AFAP1L2: variants seen among roughly 807,000 people sequenced by gnomAD.
The protein encoded by AFAP1L2 is actin filament associated protein 1 like 2, also known as actin filament-associated protein 1-like 2.
Under a neutral mutation model 99.3 loss-of-function variants are expected in AFAP1L2, and 46 were observed. The ratio of observed to expected loss-of-function variants is 0.46; its 90% CI spans 0.37 to 0.59. The LOEUF is 0.59. Ranked by LOEUF, AFAP1L2 falls within the 20% of genes least tolerant of loss-of-function variation. The pLI is 0.00. For missense variants in AFAP1L2, 959 were observed against 1,034.9 expected, an observed-to-expected ratio of 0.93 and a Z score of 1.01; for synonymous variants, 397 against 419.1, an observed-to-expected ratio of 0.95 and a Z score of 0.64.
chr10:114,285,887 C>T, the AFAP1L2 span: 25 of 1,508,110 alleles, frequency 1.7e-5, no homozygotes, highest in East Asian at 1.6e-4. Flanking sequence ...TGGGACAGCT[C>T]GCATGCCGCA....
the AFAP1L2 span, among the ~76,000 whole-genome samples, chr10:114,285,484 T>C: frequency 6.6e-6 from 1 of 152,208 alleles, no homozygotes; most frequent in Non-Finnish European, 1.5e-5. Flanking sequence ...TAAAAACAAG[T>C]GATACTGGGT....
chr10:114,352,479 T>TAAAAAAC (rs1554930286), intron 1 of AFAP1L2, among the ~76,000 whole-genome samples: 1,581 of 71,406 alleles, frequency 0.022, 41 homozygotes, highest in Middle Eastern at 0.11. Context: ...GTCTCCAAAT[T>TAAAAAAC]AAAAAAAAAA....
chr10:114,308,456 G>C lies in AFAP1L2; in HGVS notation c.944C>G (p.Pro315Arg), dbSNP rs1157771372. The change falls in exon 9 of 19, where the codon CCT becomes CGT. Residue 315 changes from proline (P) to arginine (R), a missense_variant. Coordinates refer to ENST00000304129, the MANE Select transcript of AFAP1L2 (RefSeq NM_001001936.3). The stretch of plus-strand genomic sequence containing the variant: ...ACCGTCTTTGGTTTCTGGGACCTCA[G>C]GGTGGCCATCCACGGAGCTCCCATA... ...SEYGSSVDGH[P>R]EVPETKDVKK... 1 of 1,614,178 alleles carries C rather than the reference G, an allele frequency of 6.2e-7. No individual in the cohort carries two copies. Among genetic ancestry groups the C allele is most frequent in the South Asian group, 1.1e-5 (1 of 91,086 alleles).
At chr10:114,291,220 T>A, downstream of AFAP1L2, 1 of 1,550,468 alleles carries the variant, frequency 6.4e-7, no homozygotes, top group Non-Finnish European at 8.7e-7. Context: ...TTCCCCAGGA[T>A]TCTTGAGACG....
At chr10:114,310,651 C>A (rs900630212) in intron 7 of AFAP1L2, among the ~76,000 whole-genome samples, 2 of 152,180 alleles carry the variant, frequency 1.3e-5, no homozygotes, top group African/African-American at 4.8e-5. Flanking sequence ...GTGGGGAGGG[C>A]TCGTTGTTTA....
intron 12 of AFAP1L2, 55 bp from the exon 13 acceptor site, chr10:114,301,520 C>T (rs1305956569): frequency 2.3e-6 from 3 of 1,318,508 alleles, no homozygotes; most frequent in East Asian, 2.3e-5. Context: ...GTGGTGAAAG[C>T]ACCAGACTCC....
intron 7 of AFAP1L2, among the ~76,000 whole-genome samples, chr10:114,312,943 T>C (rs2043481470): frequency 6.6e-6 from 1 of 152,168 alleles, no homozygotes; most frequent in African/African-American, 2.4e-5. Context: ...ATACTCAGCC[T>C]AGGGGTGGAC....
intron 1 of AFAP1L2, among the ~76,000 whole-genome samples, chr10:114,382,665 C>T (rs1352468608): frequency 6.9e-6 from 1 of 143,950 alleles, no homozygotes; most frequent in Non-Finnish European, 1.5e-5. Flanking sequence ...ACGATCTCAG[C>T]TCACTGCCCA....
chr10:114,352,253 C>G (rs11196711), intron 1 of AFAP1L2, among the ~76,000 whole-genome samples: 110,275 of 151,934 alleles, frequency 0.73, 42,638 homozygotes, highest in Middle Eastern at 0.86. Context: ...AGGCAGATCA[C>G]CTGAGGTCAG....
chr10:114,351,926 T>C (rs576765214), intron 1 of AFAP1L2, among the ~76,000 whole-genome samples: 2 of 152,304 alleles, frequency 1.3e-5, no homozygotes, highest in African/African-American at 4.8e-5. Context: ...ACTGGCTGTG[T>C]GGCCTTGGGG....
intron 1 of AFAP1L2, among the ~76,000 whole-genome samples, chr10:114,381,935 G>T (rs57921516): frequency 0.031 from 4,777 of 152,140 alleles, 256 homozygotes; most frequent in African/African-American, 0.11. Flanking sequence ...CATAAAAAAA[G>T]AAGTATAAAT....
rs1354030131 is a variant in AFAP1L2, at chr10:114,318,739, T to TAAAA, written c.407-2978_407-2975dup. On this transcript the variant is annotated intron_variant, in intron 5 of 18. Coordinates refer to ENST00000304129, the MANE Select transcript of AFAP1L2 (RefSeq NM_001001936.3). Reference sequence around the variant, plus strand: ...CCTGGCGGCAGGGTGAGACTCTGTCTAAAAAAAAGAAAAAAAAAAGAACAA... The same window carrying TAAAA: ...CCTGGCGGCAGGGTGAGACTCTGTCTAAAAAAAAAAAAGAAAAAAAAAAGAACAA... 4.4e-5 allele frequency among the ~76,000 whole-genome samples: 4 copies of TAAAA among 91,072 alleles called. No homozygotes were observed. In the East Asian group the frequency reaches 1.8e-3, roughly 42 times the overall value. 59.7% of individuals were successfully genotyped at this position (91,072 alleles called of 152,430 possible). A position where few individuals can be genotyped will look rare whatever the true frequency, so the allele number is the denominator to read the frequency against.
At chr10:114,335,505 C>G (rs2047825232) in intron 2 of AFAP1L2, among the ~76,000 whole-genome samples, 1 of 147,954 alleles carries the variant, frequency 6.8e-6, no homozygotes, top group African/African-American at 2.5e-5. Context: ...CCCAGCTACT[C>G]AGGAGGCTGA....
chr10:114,336,990 G>A (rs1425501122), intron 2 of AFAP1L2, among the ~76,000 whole-genome samples: 1 of 152,218 alleles, frequency 6.6e-6, no homozygotes, highest in African/African-American at 2.4e-5. Flanking sequence ...CAGCCTGTTG[G>A]ACCACGGCTA....
rs766929781 is a variant in AFAP1L2, at chr10:114,352,479, T to TAAAAAAAAAAAAAAAA, written c.17-11764_17-11749dup. Among the ~76,000 whole-genome samples, 11 of 71,386 alleles carry TAAAAAAAAAAAAAAAA rather than the reference T, an allele frequency of 1.5e-4. 1 individual carries two copies. Among genetic ancestry groups the TAAAAAAAAAAAAAAAA allele is most frequent in the African/African-American group, 4.9e-4 (9 of 18,224 alleles). 46.8% of individuals were successfully genotyped at this position (71,386 alleles called of 152,430 possible). A position where few individuals can be genotyped will look rare whatever the true frequency, so the allele number is the denominator to read the frequency against. On this transcript the variant is annotated intron_variant, in intron 1 of 18. Coordinates refer to ENST00000304129, the MANE Select transcript of AFAP1L2 (RefSeq NM_001001936.3). The stretch of plus-strand genomic sequence containing the variant: ...ACAGAGCAAGACTCTGTCTCCAAAT[T>TAAAAAAAAAAAAAAAA]AAAAAAAAAAAAAAAAAAAAGCAAC...
chr10:114,296,857 T>G, intron 18 of AFAP1L2, 121 bp downstream of exon 18: 2 of 1,533,422 alleles, frequency 1.3e-6, no homozygotes, highest in Non-Finnish European at 1.8e-6. Flanking sequence ...CCTTGGTGAG[T>G]GCCGAGCCCT....
rs138822234 is a variant in AFAP1L2 at position 114,314,869 on chromosome 10, G to A, written c.612+691C>T. Among the ~76,000 whole-genome samples, 82 of 152,242 alleles carry A rather than the reference G, an allele frequency of 5.4e-4. 3 individuals are homozygous for A. In the East Asian group the frequency reaches 0.014, roughly 27 times the overall value. On this transcript the variant is annotated intron_variant, in intron 6 of 18. Coordinates refer to ENST00000304129, the MANE Select transcript of AFAP1L2 (RefSeq NM_001001936.3). ...ATAAAAACAGTAGCCAGGGCTGGGC[G>A]CAGTGGCTCACGCCTGTAAACCCAG...
At chr10:114,299,130 C>T in intron 16 of AFAP1L2, 130 bp downstream of exon 16, 2 of 1,087,164 alleles carry the variant, frequency 1.8e-6, no homozygotes, top group Non-Finnish European at 2.7e-6. Context: ...AGCACCCACC[C>T]AGGCCAAGGG....
intron 4 of AFAP1L2, among the ~76,000 whole-genome samples, chr10:114,329,481 G>T (rs2046927748): frequency 6.6e-6 from 1 of 152,202 alleles, no homozygotes; most frequent in African/African-American, 2.4e-5. Context: ...TGCCCCTGGT[G>T]GGGCAGAAGA....
Sources: gnomAD v4.1 joint callset for allele counts (sites outside exome capture counted in the v4.1 genomes callset) on GRCh38, gnomAD v4.1.1 for gene constraint, MANE v1.5 for transcripts, NCBI Gene and HGNC (gene_info 2026-07-23, HGNC 2026-07-21) for gene names.